The following RCAN2 variants were observed in gnomAD, a reference collection of about 807,000 sequenced individuals.
RCAN2 encodes calcipressin-2.
Under a neutral mutation model 23.6 loss-of-function variants are expected in RCAN2, and 9 were observed. That is an observed-to-expected ratio of 0.38 (90% CI 0.23 to 0.67). The LOEUF (loss-of-function observed/expected upper bound fraction) is 0.67, where lower values mean the gene tolerates loss of function less well. Among genes scored for constraint, RCAN2 ranks in the 30% least tolerant of loss-of-function variants. The probability of loss-of-function intolerance (pLI) is 0.51; values close to 1 mark genes in which losing one functional copy is unlikely to be tolerated. For synonymous variants in RCAN2, 109 were observed against 115.7 expected (o/e 0.94, Z 0.37); for missense variants, 273 against 302.3 (o/e 0.90, Z 0.72).
chr6:46,391,118 C>A (rs1433695866), intron 2 of RCAN2, among the ~76,000 whole-genome samples: 2 of 152,148 alleles, frequency 1.3e-5, no homozygotes, highest in African/African-American at 4.8e-5. Context: ...GAGACTTGGG[C>A]AAGTTATACA....
chr6:46,411,020 C>A (rs1241310559), intron 2 of RCAN2, among the ~76,000 whole-genome samples: 1 of 152,172 alleles, frequency 6.6e-6, no homozygotes, highest in Non-Finnish European at 1.5e-5. Context: ...AAACACTTAG[C>A]CTTCAAAAGT....
chr6:46,277,353 C>A (rs914643577), intron 2 of RCAN2, among the ~76,000 whole-genome samples: 2 of 152,138 alleles, frequency 1.3e-5, no homozygotes, highest in African/African-American at 4.8e-5. Context: ...ATGGCTTTTT[C>A]TATAGGTAGA....
chr6:46,365,204 G>T (rs566648509), intron 2 of RCAN2, among the ~76,000 whole-genome samples: 9 of 152,024 alleles, frequency 5.9e-5, no homozygotes, highest in African/African-American at 9.7e-5. Flanking sequence ...AGCTAGGCAC[G>T]GTGGCTCACA....
chr6:46,332,351 C>A (rs1045167808), intron 2 of RCAN2, among the ~76,000 whole-genome samples: 3 of 151,958 alleles, frequency 2.0e-5, no homozygotes, highest in Admixed American at 6.6e-5. Context: ...GGTACATGTG[C>A]ACAATGTGCA....
At chr6:46,271,525 T>C (rs1582050923) in intron 2 of RCAN2, among the ~76,000 whole-genome samples, 1 of 152,242 alleles carries the variant, frequency 6.6e-6, no homozygotes, top group South Asian at 2.1e-4. Context: ...AGTTGACACA[T>C]AATTAACCAT....
At chr6:46,488,789 C>T (rs572484089) in intron 1 of RCAN2, among the ~76,000 whole-genome samples, 2 of 152,168 alleles carry the variant, frequency 1.3e-5, no homozygotes, top group Non-Finnish European at 1.5e-5. Flanking sequence ...CCAATGCTAC[C>T]GATCCTCCCC....
At chr6:46,316,079 G>T (rs1314783250) in intron 2 of RCAN2, among the ~76,000 whole-genome samples, 1 of 152,180 alleles carries the variant, frequency 6.6e-6, no homozygotes, top group Non-Finnish European at 1.5e-5. Context: ...TCCCTGAGGT[G>T]AGGGCACTGC....
At chr6:46,347,962 ATAAG>A (rs755751115) in intron 2 of RCAN2, among the ~76,000 whole-genome samples, 17 of 152,242 alleles carry the variant, frequency 1.1e-4, no homozygotes, top group Non-Finnish European at 2.1e-4. Flanking sequence ...GTGAGAATAA[ATAAG>A]TAAGACCTTT....
At chr6:46,452,783 T>C (rs577199670) in intron 2 of RCAN2, among the ~76,000 whole-genome samples, 2 of 152,348 alleles carry the variant, frequency 1.3e-5, no homozygotes, top group East Asian at 3.9e-4. Context: ...GCTGCTGATG[T>C]TATAATTATT....
At chr6:46,424,539 A>G (rs1023132327) in intron 2 of RCAN2, among the ~76,000 whole-genome samples, 2 of 151,964 alleles carry the variant, frequency 1.3e-5, no homozygotes, top group Non-Finnish European at 1.5e-5. Context: ...GCTTGTCTGC[A>G]CCTATCCCTA....
chr6:46,237,713 G>C (rs780824999), intron 4 of RCAN2, among the ~76,000 whole-genome samples: 20 of 152,216 alleles, frequency 1.3e-4, no homozygotes, highest in Non-Finnish European at 2.6e-4. Context: ...CTCAACCTAT[G>C]TGGTGGAAGT....
chr6:46,331,289 G>A (rs949540283), intron 2 of RCAN2, among the ~76,000 whole-genome samples: 1 of 151,840 alleles, frequency 6.6e-6, no homozygotes, highest in African/African-American at 2.4e-5. Flanking sequence ...GGGATTACAG[G>A]CTTGAGACAC....
chr6:46,239,537 T>A (rs1766227050), intron 4 of RCAN2, among the ~76,000 whole-genome samples: 1 of 152,194 alleles, frequency 6.6e-6, no homozygotes, highest in Non-Finnish European at 1.5e-5. Flanking sequence ...TAAACTGACA[T>A]TCTGCCTCAG....
At chr6:46,259,627 C>G (rs1404671740) in intron 2 of RCAN2, among the ~76,000 whole-genome samples, 2 of 152,200 alleles carry the variant, frequency 1.3e-5, no homozygotes, top group Non-Finnish European at 2.9e-5. Context: ...CACTGGATGT[C>G]TTACGCTTTA....
intron 2 of RCAN2, among the ~76,000 whole-genome samples, chr6:46,354,018 A>C (rs1172575243): frequency 6.6e-6 from 1 of 152,130 alleles, no homozygotes; most frequent in Non-Finnish European, 1.5e-5. Flanking sequence ...CTTTTGTTTG[A>C]CATGGGATAC....
Position 46,449,768 on chromosome 6 carries a change from C to A in RCAN2, c.225+6984G>T, listed in dbSNP as rs571124422. Reference sequence around the variant, plus strand: ...TAATAATGTTGGAACAACTGGATATCCACATTCAGAAGAATGAAATCAGAA... The same window carrying A: ...TAATAATGTTGGAACAACTGGATATACACATTCAGAAGAATGAAATCAGAA... On this transcript the variant is annotated intron_variant, in intron 2 of 4. Coordinates refer to ENST00000371374, the MANE Select transcript of RCAN2 (RefSeq NM_001251974.2). Among the ~76,000 whole-genome samples the A allele has an allele frequency of 6.6e-5, 10 of 151,972 alleles. No homozygotes were observed. The South Asian group carries it at 2.1e-3, about 32-fold the overall frequency.
chr6:46,368,312 C>A (rs148569689), intron 2 of RCAN2, among the ~76,000 whole-genome samples: 1 of 152,312 alleles, frequency 6.6e-6, no homozygotes, highest in East Asian at 1.9e-4. Context: ...TTGCACTCTA[C>A]CACCTTTCTG....
Position 46,246,751 on chromosome 6 carries a change from G to T in RCAN2, c.568C>A (p.Pro190Thr). 4 of 1,612,768 alleles carry T rather than the reference G, an allele frequency of 2.5e-6. No individual in the cohort carries two copies. The highest frequency in any genetic ancestry group is 2.5e-6 in the Non-Finnish European group (3 of 1,179,316). ...TAAAATGGACCGCAAAGCTTACCTG[G>T]TCCTAGTTTGGCCACAGCATAGAGG... ...DLLYAVAKLG[P>T]GEKYELHAGT... Residue 190 changes from proline (P) to threonine (T), a missense_variant, in exon 4 of 5, where the codon CCA becomes ACA. Pro to Thr is a conservative substitution (Grantham distance 38). Coordinates refer to ENST00000371374, the MANE Select transcript of RCAN2 (RefSeq NM_001251974.2).
chr6:46,391,461 T>C (rs968689570), intron 2 of RCAN2, among the ~76,000 whole-genome samples: 2 of 152,118 alleles, frequency 1.3e-5, no homozygotes, highest in African/African-American at 2.4e-5. Context: ...GGTACCTCAT[T>C]TGGCTTATTG....
Sources: allele counts gnomAD v4.1 joint callset (sites outside exome capture counted in the v4.1 genomes callset), GRCh38; gene constraint gnomAD v4.1.1; transcripts MANE v1.5; gene names NCBI Gene and HGNC (gene_info 2026-07-23, HGNC 2026-07-21).